RABGAP1: variants seen among roughly 807,000 people sequenced by gnomAD.
RABGAP1 encodes the protein rab GTPase-activating protein 1.
Under a neutral mutation model 137.6 loss-of-function variants are expected in RABGAP1, and 23 were observed. The ratio of observed to expected loss-of-function variants is 0.17; its 90% CI spans 0.12 to 0.24. The LOEUF (loss-of-function observed/expected upper bound fraction) is 0.24, where lower values mean the gene tolerates loss of function less well. Ranked by LOEUF, RABGAP1 falls within the 10% of genes least tolerant of loss-of-function variation. The pLI, the probability that RABGAP1 is intolerant of heterozygous loss-of-function variation, is 1.00. For synonymous variants in RABGAP1, 451 were observed against 450.7 expected, an observed-to-expected ratio of 1.00 and a Z score of -0.01; for missense variants, 906 against 1,275.8, an observed-to-expected ratio of 0.71 and a Z score of 4.42.
chr9:123,050,601 G>C (rs1347510800), intron 13 of RABGAP1, among the ~76,000 whole-genome samples: 1 of 152,190 alleles, frequency 6.6e-6, no homozygotes, highest in African/African-American at 2.4e-5. Context: ...AGATGTTTTT[G>C]TATTGTCAGT....
At chr9:122,963,488 C>G (rs1337495091) in intron 2 of RABGAP1, among the ~76,000 whole-genome samples, 1 of 151,728 alleles carries the variant, frequency 6.6e-6, no homozygotes, top group Non-Finnish European at 1.5e-5. Flanking sequence ...ACTGAAAATT[C>G]ACTACTACAG....
chr9:123,025,358 A>C (rs910747021), intron 13 of RABGAP1, among the ~76,000 whole-genome samples: 2 of 152,182 alleles, frequency 1.3e-5, no homozygotes, highest in Non-Finnish European at 2.9e-5. Flanking sequence ...TTACTTGACT[A>C]TTCTGCAAAT....
chr9:122,941,939 G>A (rs1477941507), intron 1 of RABGAP1, among the ~76,000 whole-genome samples: 1 of 152,252 alleles, frequency 6.6e-6, no homozygotes, highest in Non-Finnish European at 1.5e-5. Context: ...AAGTGATCAT[G>A]CTGCTAGTGT....
chr9:122,989,906 T>A, intron 5 of RABGAP1, 150 bp from the exon 6 acceptor site: 1 of 868,920 alleles, frequency 1.2e-6, no homozygotes, highest in Non-Finnish European at 1.7e-6. Context: ...TGTTGCTTGC[T>A]TTATAGGCCT....
chr9:122,945,537 A>G (rs1264500306), intron 1 of RABGAP1: 3 of 152,176 alleles, frequency 2.0e-5, no homozygotes, highest in African/African-American at 7.2e-5. Context: ...ACCTACTTTT[A>G]AGCTCCTGCC....
chr9:123,035,540 C>T lies in RABGAP1; in HGVS notation c.1794+15081C>T, dbSNP rs573061197. On this transcript the variant is annotated intron_variant, in intron 13 of 25. Coordinates refer to ENST00000373647, the MANE Select transcript of RABGAP1 (RefSeq NM_012197.4). ...CGCCTCTCAGGGGCTATGTGTACTT[C>T]TTGTGCAAGTCAGACTACAGCCAAC... The T allele has an allele frequency of 3.1e-6, 5 of 1,613,942 alleles. No homozygotes were observed. In the South Asian group the frequency reaches 4.4e-5, roughly 14 times the overall value.
At chr9:123,100,383 A>ATGTGTGTGTGTGTGTGTG (rs56811028) in intron 24 of RABGAP1, among the ~76,000 whole-genome samples, 1 of 136,476 alleles carries the variant, frequency 7.3e-6, no homozygotes, top group African/African-American at 2.9e-5. Flanking sequence ...GTTTAACCAG[A>ATGTGTGTGTGTGTGTGTG]TGTGTGTGTG....
At chr9:123,041,312 C>A (rs2032940376) in intron 13 of RABGAP1, among the ~76,000 whole-genome samples, 1 of 152,106 alleles carries the variant, frequency 6.6e-6, no homozygotes, top group Non-Finnish European at 1.5e-5. Flanking sequence ...TATGTTCTTG[C>A]CTTAATTTTT....
intron 13 of RABGAP1, among the ~76,000 whole-genome samples, chr9:123,028,699 G>A (rs556213274): frequency 5.4e-4 from 82 of 152,296 alleles, no homozygotes; most frequent in Non-Finnish European, 6.5e-4. Context: ...AGCGAATGAA[G>A]CATTTTAAGC....
intron 13 of RABGAP1, among the ~76,000 whole-genome samples, chr9:123,038,166 A>G (rs1322227798): frequency 1.3e-5 from 2 of 152,120 alleles, no homozygotes; most frequent in African/African-American, 4.8e-5. Flanking sequence ...AGTGTGCTCA[A>G]CTTTAGTGAG....
chr9:123,089,870 A>T lies in RABGAP1; in HGVS notation c.2517+20A>T. ...TTTGAGGTTTGTTTGCTTATGGCCTACGTGTGAGGAGCTCCCATGCTTTCA... is the reference window on the plus strand; with the variant it reads ...TTTGAGGTTTGTTTGCTTATGGCCTTCGTGTGAGGAGCTCCCATGCTTTCA... On this transcript the variant is annotated intron_variant, in intron 20 of 25. Transcript: ENST00000373647. 1 of 1,589,730 alleles carries T rather than the reference A, an allele frequency of 6.3e-7. No individual in the cohort carries two copies. Among genetic ancestry groups the T allele is most frequent in the Non-Finnish European group, 8.6e-7 (1 of 1,159,290 alleles).
intron 13 of RABGAP1, among the ~76,000 whole-genome samples, chr9:123,050,382 T>C (rs2033401866): frequency 6.6e-6 from 1 of 151,954 alleles, no homozygotes; most frequent in Admixed American, 6.6e-5. Flanking sequence ...CCAGGGTAAA[T>C]ACACAAAGCA....
chr9:123,098,658 C>G (rs2035254256), intron 22 of RABGAP1, 57 bp from the exon 23 acceptor site: 1 of 1,507,596 alleles, frequency 6.6e-7, no homozygotes, highest in African/African-American at 1.4e-5. Context: ...CGGTTGGTGG[C>G]AGAACTTCCT....
chr9:123,090,612 G>C (rs1459425627), intron 21 of RABGAP1, among the ~76,000 whole-genome samples: 3 of 152,142 alleles, frequency 2.0e-5, no homozygotes, highest in African/African-American at 7.2e-5. Flanking sequence ...CATAATCCTT[G>C]AGCTTCTTTC....
At chr9:123,004,528 C>T (rs2030034021) in intron 10 of RABGAP1, among the ~76,000 whole-genome samples, 1 of 151,968 alleles carries the variant, frequency 6.6e-6, no homozygotes, top group Admixed American at 6.6e-5. Flanking sequence ...AATGATACTC[C>T]CACCTCAGCC....
chr9:123,065,663 T>G (rs2034145453), intron 14 of RABGAP1: 2 of 507,584 alleles, frequency 3.9e-6, no homozygotes, highest in Non-Finnish European at 7.1e-6. Context: ...AATGGTAGGG[T>G]TTCCTTTCCC....
At chr9:123,007,161 C>T (rs137913395) in intron 10 of RABGAP1, among the ~76,000 whole-genome samples, 124 of 151,982 alleles carry the variant, frequency 8.2e-4, no homozygotes, top group African/African-American at 2.8e-3. Context: ...GCAACCTCCA[C>T]CTCCCAGGTT....
chr9:123,022,923 G>T (rs935439869), intron 13 of RABGAP1, among the ~76,000 whole-genome samples: 8 of 152,180 alleles, frequency 5.3e-5, no homozygotes, highest in Non-Finnish European at 1.2e-4. Context: ...AAATGTTTTT[G>T]GGGGGAGTAA....
chr9:122,996,250 A>G, intron 7 of RABGAP1, 99 bp downstream of exon 7: 4 of 1,448,448 alleles, frequency 2.8e-6, no homozygotes, highest in Non-Finnish European at 2.7e-6. Flanking sequence ...TTTCCAAAGA[A>G]TTTTGTTCCC....
Sources: gnomAD v4.1 joint callset for allele counts (sites outside exome capture counted in the v4.1 genomes callset) on GRCh38, gnomAD v4.1.1 for gene constraint, MANE v1.5 for transcripts, NCBI Gene and HGNC (gene_info 2026-07-23, HGNC 2026-07-21) for gene names.